ACER1: variants seen among roughly 807,000 people sequenced by gnomAD.
ACER1 encodes alkaline ceramidase 1, also known as CTB-180A7.3.
In ACER1, 28 loss-of-function variants were observed where a neutral mutation model predicts 24.9. The ratio of observed to expected loss-of-function variants is 1.13; its 90% confidence interval spans 0.83 to 1.54. The LOEUF (loss-of-function observed/expected upper bound fraction) is 1.54, where lower values mean the gene tolerates loss of function less well. Ranked by LOEUF, ACER1 falls within the 40% of genes most tolerant of loss-of-function variation. The pLI is 0.00. For synonymous variants in ACER1, 132 were observed against 131.4 expected (o/e 1.00, Z -0.03); for missense variants, 352 against 349.3 (o/e 1.01, Z -0.06).
the ACER1 span, among the ~76,000 whole-genome samples, chr19:6,341,924 C>T: frequency 1.1e-4 from 16 of 152,224 alleles, no homozygotes; most frequent in Admixed American, 2.0e-4. Flanking sequence ...CCACTGCACC[C>T]AGCAGTGTTG....
rs368619336 is a variant in ACER1, at chr19:6,324,687, C to G, written c.93+8772G>C. ...GGCTGAGGCAGGAGAATTTCTTGAA[C>G]CCGGGAGGCAGAGATTGCACTGTTG... is the stretch of plus-strand genomic sequence containing the variant. On this transcript the variant is annotated intron_variant, in intron 1 of 5. Transcript: ENST00000301452. 4.0e-5 allele frequency among the ~76,000 whole-genome samples: 6 copies of G among 151,600 alleles called. No individual in the cohort carries two copies. In the South Asian group the frequency reaches 1.0e-3, roughly 26 times the overall value.
chr19:6,355,601 G>C, the ACER1 span, among the ~76,000 whole-genome samples: 3 of 147,974 alleles, frequency 2.0e-5, no homozygotes, highest in African/African-American at 7.7e-5. Flanking sequence ...CAGGCCAGCC[G>C]CCCCGTCCGG....
chr19:6,343,822 G>C, the ACER1 span: 1 of 152,124 alleles, frequency 6.6e-6, no homozygotes, highest in African/African-American at 2.4e-5. Flanking sequence ...ACCACAACAG[G>C]CTGCCTCCAT....
At chr19:6,308,419 G>A (rs2091562045) in intron 4 of ACER1, among the ~76,000 whole-genome samples, 1 of 128,274 alleles carries the variant, frequency 7.8e-6, no homozygotes, top group Non-Finnish European at 1.6e-5. Flanking sequence ...TGGGCGACAA[G>A]AGTGAGACTC....
chr19:6,353,061 C>G, the ACER1 span, among the ~76,000 whole-genome samples: 2 of 152,066 alleles, frequency 1.3e-5, no homozygotes, highest in Non-Finnish European at 2.9e-5. Flanking sequence ...TGTGGTGGCT[C>G]ACATCTGTAA....
Position 6,309,806 on chromosome 19 carries a change from T to A in ACER1, c.379A>T (p.Thr127Ser). ...RSQFIRLVFI[T>S]TVVSTLLSFL... ...GACAGAAGGGTGCTGACCACAGTGG[T>A]GATGAAGACCAGGCGGATGAACTGG... Residue 127 changes from threonine (T) to serine (S), a missense_variant, in exon 4 of 6, where the codon ACC becomes TCC. Physicochemically the swap from Thr to Ser is moderately conservative, Grantham distance 58. Coordinates refer to ENST00000301452, the MANE Select transcript of ACER1 (RefSeq NM_133492.3). 1 of 1,613,892 alleles carries A rather than the reference T, an allele frequency of 6.2e-7. No homozygotes were observed. The highest frequency in any genetic ancestry group is 8.5e-7 in the Non-Finnish European group (1 of 1,179,954).
Position 6,323,140 on chromosome 19 carries a change from G to T in ACER1, c.93+10319C>A, listed in dbSNP as rs928749588. Among the ~76,000 whole-genome samples the T allele has an allele frequency of 2.6e-4, 39 of 151,284 alleles. 1 individual carries two copies. Among genetic ancestry groups the T allele is most frequent in the Non-Finnish European group, 7.4e-5 (5 of 67,832 alleles). On this transcript the variant is annotated intron_variant, in intron 1 of 5. Transcript: ENST00000301452. ...AACAAACAAACAAAAAACAAAACAG[G>T]CAGGGCGCAGTGGTTCACACCTGTA...
chr19:6,355,520 C>G, the ACER1 span, among the ~76,000 whole-genome samples: 110 of 150,556 alleles, frequency 7.3e-4, no homozygotes, highest in African/African-American at 2.6e-3. Context: ...GCAGCCACCC[C>G]GTCTGGGAAA....
At chr19:6,327,785 A>G (rs1439697481) in intron 1 of ACER1, among the ~76,000 whole-genome samples, 1 of 151,900 alleles carries the variant, frequency 6.6e-6, no homozygotes, top group Non-Finnish European at 1.5e-5. Flanking sequence ...GTGTCAATAA[A>G]AAAAAAATTG....
At chr19:6,320,706 G>A (rs1194576716) in intron 1 of ACER1, among the ~76,000 whole-genome samples, 1 of 152,106 alleles carries the variant, frequency 6.6e-6, no homozygotes, top group East Asian at 1.9e-4. Context: ...TCTTTAAGAA[G>A]CTGCAACTTT....
At chr19:6,351,229 G>A in the ACER1 span, among the ~76,000 whole-genome samples, 1 of 152,146 alleles carries the variant, frequency 6.6e-6, no homozygotes, top group African/African-American at 2.4e-5. Context: ...AGCCGGGCCT[G>A]GTGGCGGGCA....
intron 1 of ACER1, among the ~76,000 whole-genome samples, chr19:6,326,982 C>T (rs2091664344): frequency 6.6e-6 from 1 of 152,198 alleles, no homozygotes; most frequent in East Asian, 1.9e-4. Context: ...TGCTATCCTT[C>T]CCCACTTGGC....
chr19:6,346,722 A>T, the ACER1 span, among the ~76,000 whole-genome samples: 1,058 of 151,314 alleles, frequency 7.0e-3, 12 homozygotes, highest in African/African-American at 0.025. Flanking sequence ...GTGGTCAGCC[A>T]CCACCCCCAG....
chr19:6,347,109 A>AAAATATATATATATATATATATATATAT, the ACER1 span, among the ~76,000 whole-genome samples: 1 of 113,822 alleles, frequency 8.8e-6, no homozygotes, highest in African/African-American at 5.1e-5. Context: ...AAAAAAAAAA[A>AAAATATATATATATATATATATATATAT]ATATATATAT....
intron 1 of ACER1, among the ~76,000 whole-genome samples, chr19:6,319,964 A>G (rs2091621897): frequency 6.6e-6 from 1 of 151,906 alleles, no homozygotes; most frequent in Non-Finnish European, 1.5e-5. Context: ...ATACAAAATT[A>G]GCCGGTGTGG....
At chr19:6,324,865 A>AAGGGAGGG (rs879930616) in intron 1 of ACER1, among the ~76,000 whole-genome samples, 4,132 of 79,582 alleles carry the variant, frequency 0.052, 118 homozygotes, top group African/African-American at 0.15. Context: ...GAGAGAAAGG[A>AAGGGAGGG]AGGAAGGAAG....
intron 1 of ACER1, among the ~76,000 whole-genome samples, chr19:6,313,959 CAT>C (rs2091592493): frequency 6.6e-6 from 1 of 152,074 alleles, no homozygotes; most frequent in African/African-American, 2.4e-5. Context: ...TCATCAGACA[CAT>C]GAGTGAATGA....
At chr19:6,323,310 C>T (rs1294224698) in intron 1 of ACER1, among the ~76,000 whole-genome samples, 1 of 151,538 alleles carries the variant, frequency 6.6e-6, no homozygotes, top group Non-Finnish European at 1.5e-5. Flanking sequence ...GTCCCAGCTA[C>T]TTGGGAGGCT....
At chr19:6,320,102 CAAAAAAA>C (rs59776363) in intron 1 of ACER1, among the ~76,000 whole-genome samples, 1 of 101,500 alleles carries the variant, frequency 9.9e-6, no homozygotes, top group Non-Finnish European at 1.9e-5. Context: ...GATTCTGTCT[CAAAAAAA>C]AAAAAAAAAA....
Sources: gnomAD v4.1 joint callset for allele counts (sites outside exome capture counted in the v4.1 genomes callset) on GRCh38, gnomAD v4.1.1 for gene constraint, MANE v1.5 for transcripts, NCBI Gene and HGNC (gene_info 2026-07-23, HGNC 2026-07-21) for gene names.